RBFOX1: variants seen among roughly 807,000 people sequenced by gnomAD.
RBFOX1 encodes RNA binding fox-1 homolog 1.
In RBFOX1, 8 loss-of-function variants were observed where a neutral mutation model predicts 57.7. The ratio of observed to expected loss-of-function variants is 0.14; its 90% CI spans 0.08 to 0.25. The LOEUF (loss-of-function observed/expected upper bound fraction) is 0.25, where lower values mean the gene tolerates loss of function less well. Among genes scored for constraint, RBFOX1 ranks in the 10% least tolerant of loss-of-function variants. The probability of loss-of-function intolerance (pLI) is 1.00; values close to 1 mark genes in which losing one functional copy is unlikely to be tolerated. For missense variants in RBFOX1, 611 were observed against 548.5 expected (o/e 1.11, Z -1.14); for synonymous variants, 326 against 222.4 (o/e 1.47, Z -4.15).
intron 4 of RBFOX1, among the ~76,000 whole-genome samples, chr16:7,413,237 A>T (rs1267766941): frequency 6.6e-6 from 1 of 152,060 alleles, no homozygotes; most frequent in Admixed American, 6.6e-5. Context: ...ACCCAGAAGC[A>T]TTGGTAACCT....
At position 6,956,564 on chromosome 16, in the gene RBFOX1, C is replaced by A. The variant is rs546780053; in HGVS notation, c.-15-95493C>A. 1.6e-4 allele frequency among the ~76,000 whole-genome samples: 25 copies of A among 152,238 alleles called. No homozygotes were observed. In the South Asian group the frequency reaches 5.2e-3, roughly 32 times the overall value. Reference sequence around the variant, plus strand: ...TAAGGGCCAGTGGGGGCAGTTGTACCTCTTGCCTCTGGTCAGGTGTGGGAG... The same window carrying A: ...TAAGGGCCAGTGGGGGCAGTTGTACATCTTGCCTCTGGTCAGGTGTGGGAG... On this transcript the variant is annotated intron_variant, in intron 3 of 15. Coordinates refer to ENST00000550418, the MANE Select transcript of RBFOX1 (RefSeq NM_018723.4).
At chr16:5,532,312 G>A (rs545766266) in intron 2 of RBFOX1, among the ~76,000 whole-genome samples, 78 of 152,270 alleles carry the variant, frequency 5.1e-4, no homozygotes, top group African/African-American at 1.6e-3. Flanking sequence ...GAGCAACATC[G>A]CCATCACTTG....
intron 2 of RBFOX1, among the ~76,000 whole-genome samples, chr16:6,512,832 C>A (rs534377852): frequency 1.3e-5 from 2 of 152,270 alleles, no homozygotes; most frequent in South Asian, 2.1e-4. Flanking sequence ...TGCTCTAGGT[C>A]AAATGATCCA....
chr16:7,020,412 G>C (rs1437025226), intron 3 of RBFOX1, among the ~76,000 whole-genome samples: 2 of 151,972 alleles, frequency 1.3e-5, no homozygotes, highest in Non-Finnish European at 2.9e-5. Flanking sequence ...GTAGAGATGA[G>C]GTTTCACCAT....
chr16:6,800,063 T>C (rs963347208), intron 3 of RBFOX1, among the ~76,000 whole-genome samples: 1 of 152,150 alleles, frequency 6.6e-6, no homozygotes, highest in Non-Finnish European at 1.5e-5. Context: ...TTCTGGGCAT[T>C]GTCATGGTGT....
At chr16:5,626,573 A>T (rs1659079350) in intron 3 of RBFOX1, among the ~76,000 whole-genome samples, 1 of 152,120 alleles carries the variant, frequency 6.6e-6, no homozygotes, top group Non-Finnish European at 1.5e-5. Flanking sequence ...AAGATCCTGG[A>T]ATACCCCTGT....
At position 5,558,008 on chromosome 16, in the gene RBFOX1, C is replaced by T. The variant is rs1339656778; in HGVS notation, c.259-40894C>T. On this transcript the variant is annotated intron_variant, in intron 2 of 2. Transcript: ENST00000585867. ...CAGCTGGTGGTGGTCAGAGACTCGC[C>T]ACTGGGCGGCCCAACTCCGGGGGAG... Among the ~76,000 whole-genome samples the T allele has an allele frequency of 2.6e-4, 40 of 152,110 alleles. 1 individual carries two copies. Among genetic ancestry groups the T allele is most frequent in the Non-Finnish European group, 2.5e-4 (17 of 68,028 alleles).
At chr16:7,084,800 C>T (rs761771571) in intron 4 of RBFOX1, among the ~76,000 whole-genome samples, 4 of 152,124 alleles carry the variant, frequency 2.6e-5, no homozygotes, top group Non-Finnish European at 5.9e-5. Context: ...TGTTCATATT[C>T]CCCCCTCTCT....
At chr16:5,818,443 C>G (rs1353118647) in intron 3 of RBFOX1, among the ~76,000 whole-genome samples, 3 of 152,160 alleles carry the variant, frequency 2.0e-5, no homozygotes, top group Non-Finnish European at 1.5e-5. Flanking sequence ...ACAGAGAGCT[C>G]TGCCTTTCTT....
intron 4 of RBFOX1, among the ~76,000 whole-genome samples, chr16:7,088,889 G>A (rs1034497266): frequency 2.0e-5 from 3 of 152,040 alleles, no homozygotes; most frequent in Non-Finnish European, 2.9e-5. Context: ...TTCGTTGCTC[G>A]GCAGGCTTAG....
At chr16:7,129,050 A>AGG (rs2069450205) in intron 4 of RBFOX1, among the ~76,000 whole-genome samples, 5 of 151,694 alleles carry the variant, frequency 3.3e-5, no homozygotes, top group African/African-American at 1.2e-4. Flanking sequence ...TGACACCTTA[A>AGG]CCTCGTGATC....
At chr16:7,615,817 C>G (rs543225607) in intron 10 of RBFOX1, among the ~76,000 whole-genome samples, 1 of 152,256 alleles carries the variant, frequency 6.6e-6, no homozygotes, top group East Asian at 1.9e-4. Context: ...CAAGACATTC[C>G]TTGACCACAA....
chr16:6,372,370 G>C (rs2090558259), intron 2 of RBFOX1, among the ~76,000 whole-genome samples: 1 of 151,372 alleles, frequency 6.6e-6, no homozygotes, highest in Non-Finnish European at 1.5e-5. Context: ...AGGATGGTTG[G>C]TTAGGATCTT....
chr16:5,735,822 G>C (rs528604312), intron 3 of RBFOX1, among the ~76,000 whole-genome samples: 1 of 152,240 alleles, frequency 6.6e-6, no homozygotes, highest in African/African-American at 2.4e-5. Context: ...GTTGCAGTGA[G>C]CCAAGATGGC....
intron 3 of RBFOX1, among the ~76,000 whole-genome samples, chr16:6,922,769 G>T (rs1027239240): frequency 1.3e-5 from 2 of 152,136 alleles, no homozygotes; most frequent in African/African-American, 4.8e-5. Context: ...TTATTGTATG[G>T]TGACTGTGAG....
chr16:6,415,806 C>A (rs929957587), intron 2 of RBFOX1, among the ~76,000 whole-genome samples: 1 of 152,168 alleles, frequency 6.6e-6, no homozygotes, highest in Non-Finnish European at 1.5e-5. Flanking sequence ...CAAATGCAGA[C>A]GCAAATGACT....
chr16:6,419,381 G>T (rs1341537310), intron 2 of RBFOX1, among the ~76,000 whole-genome samples: 1 of 152,154 alleles, frequency 6.6e-6, no homozygotes, highest in Non-Finnish European at 1.5e-5. Flanking sequence ...GTATGGCTTG[G>T]TTTGTTCATT....
chr16:6,218,718 G>A (rs1336870399), intron 1 of RBFOX1, among the ~76,000 whole-genome samples: 1 of 152,100 alleles, frequency 6.6e-6, no homozygotes, highest in African/African-American at 2.4e-5. Context: ...TGTGTCCGTG[G>A]AATTAAATAA....
At chr16:7,221,753 C>A (rs1302985537) in intron 4 of RBFOX1, among the ~76,000 whole-genome samples, 2 of 152,158 alleles carry the variant, frequency 1.3e-5, no homozygotes, top group Non-Finnish European at 1.5e-5. Context: ...TATTCAATGG[C>A]CATCAAAGTT....
Sources: allele counts gnomAD v4.1 joint callset (sites outside exome capture counted in the v4.1 genomes callset), GRCh38; gene constraint gnomAD v4.1.1; transcripts MANE v1.5; gene names NCBI Gene and HGNC (gene_info 2026-07-23, HGNC 2026-07-21).